Variants in LRRC7 observed in about 807,000 individuals in gnomAD.
The protein encoded by LRRC7 is leucine-rich repeat-containing protein 7.
A neutral mutation model predicts 175.7 loss-of-function variants in LRRC7; 23 were observed. The ratio of observed to expected loss-of-function variants is 0.13; its 90% CI spans 0.09 to 0.19. LRRC7 has a LOEUF of 0.19. LRRC7 is among the 10% of genes least tolerant of loss of function. The pLI is 1.00. For missense variants in LRRC7, 1,354 were observed against 1,904.7 expected (o/e 0.71, Z 5.38); for synonymous variants, 685 against 680.9 (o/e 1.01, Z -0.09).
At chr1:70,041,433 C>T (rs1659885668) in intron 21 of LRRC7, among the ~76,000 whole-genome samples, 1 of 152,172 alleles carries the variant, frequency 6.6e-6, no homozygotes, top group African/African-American at 2.4e-5. Flanking sequence ...TGCTCAGTCC[C>T]ATTGAAGGGA....
chr1:70,124,678 T>C lies in LRRC7; in HGVS notation c.*2791T>C, dbSNP rs893227448. 6.6e-6 allele frequency among the ~76,000 whole-genome samples: 1 copy of C among 152,068 alleles called. No individual in the cohort carries two copies. On this transcript the variant is annotated 3_prime_UTR_variant, in exon 27 of 27. Transcript: ENST00000651989. ...ACATTGATTTTTGATTATTGACTTT[T>C]TGCAGTAACTGATTTTGCTGCCTGA...
At chr1:69,784,348 T>C (rs1674151604) in intron 3 of LRRC7, among the ~76,000 whole-genome samples, 1 of 152,194 alleles carries the variant, frequency 6.6e-6, no homozygotes, top group Non-Finnish European at 1.5e-5. Flanking sequence ...TTTCTTCAAC[T>C]GGATTGAGAA....
intron 8 of LRRC7, among the ~76,000 whole-genome samples, chr1:69,968,257 G>T (rs1444663601): frequency 6.6e-6 from 1 of 151,802 alleles, no homozygotes; most frequent in Non-Finnish European, 1.5e-5. Flanking sequence ...CAAAGACAAA[G>T]AAAAAAGAAT....
At chr1:69,721,572 A>G (rs1170020564) in intron 2 of LRRC7, among the ~76,000 whole-genome samples, 3 of 151,902 alleles carry the variant, frequency 2.0e-5, no homozygotes, top group Non-Finnish European at 4.4e-5. Context: ...ATAATATGCC[A>G]TTATATAATA....
At chr1:69,588,143 G>C (rs1358904919) in intron 1 of LRRC7, among the ~76,000 whole-genome samples, 1 of 152,056 alleles carries the variant, frequency 6.6e-6, no homozygotes, top group South Asian at 2.1e-4. Flanking sequence ...TTCCATCCCA[G>C]GGAAAGTTAG....
intron 1 of LRRC7, among the ~76,000 whole-genome samples, chr1:69,648,344 G>C (rs1655298992): frequency 6.6e-6 from 1 of 152,060 alleles, no homozygotes. Context: ...AAGAGGAACA[G>C]GGAGATCTCC....
At chr1:69,816,015 G>T (rs1406364183) in intron 4 of LRRC7, among the ~76,000 whole-genome samples, 1 of 151,568 alleles carries the variant, frequency 6.6e-6, no homozygotes, top group Non-Finnish European at 1.5e-5. Flanking sequence ...TAGTCTTGCT[G>T]TGTCGCCCAG....
At chr1:69,918,282 A>C (rs1264876856) in intron 7 of LRRC7, among the ~76,000 whole-genome samples, 5 of 152,204 alleles carry the variant, frequency 3.3e-5, no homozygotes. Context: ...GCGTCTCTGG[A>C]ATCTTTGTAA....
intron 7 of LRRC7, chr1:69,919,242 T>A (rs770684530): frequency 1.9e-5 from 8 of 420,204 alleles, no homozygotes; most frequent in Non-Finnish European, 3.0e-5. Context: ...AACTATTCAG[T>A]TCTGTGGTTG....
intron 23 of LRRC7, among the ~76,000 whole-genome samples, chr1:70,057,388 T>C (rs1291241647): frequency 6.6e-6 from 1 of 152,232 alleles, no homozygotes; most frequent in East Asian, 1.9e-4. Context: ...CTATTAGTTA[T>C]TGGGTTTCTA....
intron 7 of LRRC7, among the ~76,000 whole-genome samples, chr1:69,855,646 T>C (rs1286532715): frequency 6.6e-6 from 1 of 152,076 alleles, no homozygotes. Flanking sequence ...TTAGGTCTGC[T>C]TGGTGCGGAG....
intron 10 of LRRC7, among the ~76,000 whole-genome samples, chr1:69,992,247 GT>G (rs1570936542): frequency 6.6e-6 from 1 of 152,008 alleles, no homozygotes; most frequent in East Asian, 1.9e-4. Context: ...TTATATATTT[GT>G]AAATGTAAAT....
intron 22 of LRRC7, among the ~76,000 whole-genome samples, chr1:70,049,774 T>C (rs185199570): frequency 6.6e-6 from 1 of 152,136 alleles, no homozygotes; most frequent in African/African-American, 2.4e-5. Flanking sequence ...ACCTATTTTT[T>C]CCAAAAGATA....
intron 24 of LRRC7, among the ~76,000 whole-genome samples, chr1:70,084,531 T>C (rs529210791): frequency 6.6e-6 from 1 of 152,332 alleles, no homozygotes; most frequent in South Asian, 2.1e-4. Flanking sequence ...TATACCACAT[T>C]TTGCTTATGC....
intron 1 of LRRC7, among the ~76,000 whole-genome samples, chr1:69,612,823 A>C (rs1242299817): frequency 6.6e-6 from 1 of 152,080 alleles, no homozygotes; most frequent in African/African-American, 2.4e-5. Flanking sequence ...TGCTATACAG[A>C]TGAAGAGACT....
intron 18 of LRRC7, among the ~76,000 whole-genome samples, chr1:70,033,360 T>C (rs1338838527): frequency 2.6e-5 from 4 of 152,118 alleles, no homozygotes; most frequent in African/African-American, 9.7e-5. Flanking sequence ...ACAAGGATAA[T>C]ATAGATAGAG....
At chr1:69,949,990 TC>T (rs1649751503) in intron 8 of LRRC7, among the ~76,000 whole-genome samples, 1 of 151,636 alleles carries the variant, frequency 6.6e-6, no homozygotes, top group African/African-American at 2.4e-5. Context: ...TTATTTTTTT[TC>T]CTTTTCTGTC....
Position 70,110,781 on chromosome 1 carries a change from A to G in LRRC7, c.4620+2955A>G, listed in dbSNP as rs370905955. The stretch of plus-strand genomic sequence containing the variant: ...ATTTACAGTTTCAGTCATACTAATT[A>G]AAAAGCATACATGGCCAATTATACT... On this transcript the variant is annotated intron_variant, in intron 26 of 26. Coordinates refer to ENST00000651989, the MANE Select transcript of LRRC7 (RefSeq NM_001370785.2). Among the ~76,000 whole-genome samples the G allele has an allele frequency of 2.6e-5, 4 of 152,244 alleles. No homozygotes were observed. In the East Asian group the frequency reaches 7.7e-4, roughly 29 times the overall value.
chr1:70,054,727 G>C (rs1287032674), intron 23 of LRRC7, among the ~76,000 whole-genome samples: 1 of 151,626 alleles, frequency 6.6e-6, no homozygotes, highest in Non-Finnish European at 1.5e-5. Flanking sequence ...AGCCTCCCGA[G>C]TAGCTGGGAC....
Sources: gnomAD v4.1 joint callset for allele counts (sites outside exome capture counted in the v4.1 genomes callset) on GRCh38, gnomAD v4.1.1 for gene constraint, MANE v1.5 for transcripts, NCBI Gene and HGNC (gene_info 2026-07-23, HGNC 2026-07-21) for gene names.